Variants in MZF1 observed in about 807,000 individuals in gnomAD.
MZF1 encodes myeloid zinc finger 1.
MZF1 carries 24 observed loss-of-function variants against 28.6 expected under a neutral mutation model. The ratio of observed to expected loss-of-function variants is 0.84; its 90% CI spans 0.61 to 1.18. MZF1 has a LOEUF of 1.18. MZF1 is among the 50% of genes most tolerant of loss of function. MZF1 has a pLI of 0.00. For synonymous variants in MZF1, 516 were observed against 432.5 expected (o/e 1.19, Z -2.40); for missense variants, 1,166 against 1,026.4 (o/e 1.14, Z -1.86).
In MZF1 at chr19:58,569,281, G is replaced by A; in HGVS notation, c.768C>T (p.Ser256=). 6.2e-7 allele frequency: 1 copy of A among 1,601,134 alleles called. No individual in the cohort carries two copies. The highest frequency in any genetic ancestry group is 8.5e-7 in the Non-Finnish European group (1 of 1,174,250). The change falls in exon 5 of 6, where the codon TCC becomes TCT. Residue 256 remains serine, a synonymous_variant. Transcript: ENST00000215057. The part of the protein sequence containing the change: ...LWHEEAGGIF[S]PGFALQLGSI... ...ACCACACCCCATCTCACTTACCTGG[G>A]GAGAAGATGCCCCCAGCTTCCTCAT...
Position 58,571,423 on chromosome 19 carries a change from T to C in MZF1, c.-34A>G, listed in dbSNP as rs1441930313. The C allele has an allele frequency of 2.5e-6, 4 of 1,610,940 alleles. No homozygotes were observed. Among genetic ancestry groups the C allele is most frequent in the East Asian group, 4.5e-5 (2 of 44,852 alleles). The stretch of plus-strand genomic sequence containing the variant: ...CCAGGTCAGGTATCTGAGGCCAGTG[T>C]CTGCCCCTGGTGAAGAAATAGGATG... On this transcript the variant is annotated 5_prime_UTR_variant, in exon 2 of 6. Transcript: ENST00000215057.
chr19:58,569,754 A>C (rs2054122948), intron 3 of MZF1, 168 bp from the exon 4 acceptor site: 1 of 596,662 alleles, frequency 1.7e-6, no homozygotes, highest in Admixed American at 3.1e-5. Context: ...GGCTGGGTGA[A>C]GCAGAGTACC....
chr19:58,570,937 T>C, intron 2 of MZF1, 57 bp downstream of exon 2: 1 of 1,528,668 alleles, frequency 6.5e-7, no homozygotes, highest in Non-Finnish European at 8.8e-7. Context: ...CTGCCCAGGG[T>C]GAGGCCGAGC....
rs567598372 is a variant in MZF1 at position 58,567,160 on chromosome 19, C to T, written c.772+2117G>A. ...TGGACTCAAACAATCCACCTGCCTC[C>T]GCCTCCCAAAGTGCTGGGATTACAG... On this transcript the variant is annotated intron_variant, in intron 5 of 5. Coordinates refer to ENST00000215057, the MANE Select transcript of MZF1 (RefSeq NM_198055.2). 5.3e-5 allele frequency among the ~76,000 whole-genome samples: 8 copies of T among 152,270 alleles called. No individual in the cohort carries two copies. The East Asian group carries it at 9.7e-4, about 18-fold the overall frequency.
chr19:58,568,469 C>T lies in MZF1; in HGVS notation c.772+808G>A, dbSNP rs1187502589. On this transcript the variant is annotated intron_variant, in intron 5 of 5. Coordinates refer to ENST00000215057, the MANE Select transcript of MZF1 (RefSeq NM_198055.2). ...AAGGGAAGGAAATAAAAAAAAATTT[C>T]AAGGCAGTTTCCCAGAACTGAGAGA... The T allele has an allele frequency of 3.9e-5, 6 of 152,242 alleles. No homozygotes were observed. The East Asian group carries it at 9.6e-4, about 24-fold the overall frequency. 9.4% of individuals were successfully genotyped at this position (152,242 alleles called of 1,614,324 possible). A position where few individuals can be genotyped will look rare whatever the true frequency, so the allele number is the denominator to read the frequency against.
In MZF1 at chr19:58,570,154, T is replaced by C; in HGVS notation, c.580+190A>G. 8.6e-6 allele frequency: 5 copies of C among 581,364 alleles called. No individual in the cohort carries two copies. In the South Asian group the frequency reaches 1.1e-4, roughly 13 times the overall value. 36.0% of individuals were successfully genotyped at this position (581,364 alleles called of 1,614,324 possible). A position where few individuals can be genotyped will look rare whatever the true frequency, so the allele number is the denominator to read the frequency against. ...GGCTGTGGCAGTCAGGCTTGGTGTG[T>C]GAGGGGTAGTGACAGCACTGGCTGC... On this transcript the variant is annotated intron_variant, in intron 3 of 5. Coordinates refer to ENST00000215057, the MANE Select transcript of MZF1 (RefSeq NM_198055.2).
At chr19:58,570,183 G>T in intron 3 of MZF1, 161 bp downstream of exon 3, 1 of 719,716 alleles carries the variant, frequency 1.4e-6, no homozygotes, top group Non-Finnish European at 2.2e-6. Context: ...TGGCTGCGGT[G>T]GAGGGGAGAC....
In MZF1 at chr19:58,571,282, C is replaced by T. The variant is rs2054158634; in HGVS notation, c.108G>A (p.Trp36Ter). 6.2e-7 allele frequency: 1 copy of T among 1,613,704 alleles called. No homozygotes were observed. Among genetic ancestry groups the T allele is most frequent in the African/African-American group, 1.3e-5 (1 of 74,932 alleles). Reference sequence around the variant, plus strand: ...GGCGTGCAGCTTCAGGGCCTGGGTCCCATAAGGCAGCCTCACCCTCCTCCT... The same window carrying T: ...GGCGTGCAGCTTCAGGGCCTGGGTCTCATAAGGCAGCCTCACCCTCCTCCT... ...DSEEEGEAALWDPGPEAARLR... is the reference protein window; with the variant it reads ...DSEEEGEAAL Residue 36 changes from tryptophan to a stop codon, truncating the protein, a stop_gained, in exon 2 of 6, where the codon TGG becomes TGA. Coordinates refer to ENST00000215057, the MANE Select transcript of MZF1 (RefSeq NM_198055.2). LOFTEE classifies it high-confidence loss of function.
rs370449872 is a variant in MZF1, at chr19:58,562,880, G to C, written c.1397C>G (p.Pro466Arg). ...LQHQRIHGDP[P>R]GPGAKPPAPP... ...GGCCGGGGGCTTAGCGCCAGGGCCC[G>C]GGGGATCGCCGTGGATGCGCTGGTG... The change falls in exon 6 of 6, where the codon CCG becomes CGG. Residue 466 changes from proline to arginine, a missense_variant. Physicochemically the swap from Pro to Arg is moderately radical, Grantham distance 103 (BLOSUM62 -2). Transcript: ENST00000215057. 2.1e-4 allele frequency: 323 copies of C among 1,556,376 alleles called. 7 individuals carry two copies. The Middle Eastern group carries it at 6.4e-3, about 31-fold the overall frequency.
In MZF1 at chr19:58,569,352, C is replaced by T; in HGVS notation, c.697G>A (p.Gly233Arg). Residue 233 changes from glycine (G) to arginine (R), a missense_variant, in exon 5 of 6, where the codon GGG becomes AGG. Physicochemically the swap from Gly to Arg is moderately radical, Grantham distance 125 (BLOSUM62 -2). Coordinates refer to ENST00000215057, the MANE Select transcript of MZF1 (RefSeq NM_198055.2). ...LDQIFPHSKT[G>R]PEGPSWREHP... ...TCCCTCCATGAGGGACCCTCAGGCC[C>T]AGTCTTGCTGTGGGGAAAGATCTGG... 1 of 1,614,006 alleles carries T rather than the reference C, an allele frequency of 6.2e-7. No homozygotes were observed. Among genetic ancestry groups the T allele is most frequent in the Non-Finnish European group, 8.5e-7 (1 of 1,179,948 alleles).
chr19:58,563,748 G>A (rs1058144), intron 5 of MZF1: 44,325 of 433,906 alleles, frequency 0.1, 5,885 homozygotes, highest in African/African-American at 0.44. Context: ...GTCTGATTTA[G>A]GTTGGAAAAA....
chr19:58,562,937 T>A lies in MZF1; in HGVS notation c.1340A>T (p.Gln447Leu). 1 of 1,597,596 alleles carries A rather than the reference T, an allele frequency of 6.3e-7. No individual in the cohort carries two copies. The highest frequency in any genetic ancestry group is 8.5e-7 in the Non-Finnish European group (1 of 1,177,094). ...EQPFRCAECG[Q>L]SFRQRSNLLQ... Reference sequence around the variant, plus strand: ...CAGATTGGAGCGCTGCCGGAAGCTCTGGCCGCACTCAGCGCAACGGAAAGG... The same window carrying A: ...CAGATTGGAGCGCTGCCGGAAGCTCAGGCCGCACTCAGCGCAACGGAAAGG... The change falls in exon 6 of 6, where the codon CAG becomes CTG. Residue 447 changes from glutamine to leucine, a missense_variant. Physicochemically the swap from Gln to Leu is moderately radical, Grantham distance 113. Coordinates refer to ENST00000215057, the MANE Select transcript of MZF1 (RefSeq NM_198055.2).
chr19:58,564,908 T>TG (rs2054014247), intron 5 of MZF1, among the ~76,000 whole-genome samples: 1 of 77,162 alleles, frequency 1.3e-5, no homozygotes, highest in African/African-American at 6.7e-5. Context: ...GTGTGTTTTT[T>TG]TTTTTTTTTT....
At position 58,562,825 on chromosome 19, in the gene MZF1, G is replaced by A. The variant is rs1272795249; in HGVS notation, c.1452C>T (p.Pro484=). Residue 484 remains proline, a synonymous_variant, in exon 6 of 6, where the codon CCC becomes CCT. Transcript: ENST00000215057. ...TCTCGCGGCACTCGCTGCACGGAAA[G>A]GGGCCGGGAGGCTCGGGCGCACCAG... ...APPGAPEPPG[P]FPCSECRESF... 4.6e-6 allele frequency: 7 copies of A among 1,535,208 alleles called. No homozygotes were observed. The highest frequency in any genetic ancestry group is 1.4e-5 in the African/African-American group (1 of 73,006).
chr19:58,562,306 C>T lies in MZF1; in HGVS notation c.1971G>A (p.Glu657=). Residue 657 remains glutamate (E), a synonymous_variant, in exon 6 of 6, where the codon GAG becomes GAA. Coordinates refer to ENST00000215057, the MANE Select transcript of MZF1 (RefSeq NM_198055.2). ...CGTGCTGCCGAAAGCTCTGGCCGCA[C>T]TCGGGGCAGGCGAAGGGCCGTTCGC... ...HTGERPFACP[E]CGQSFRQHAN... is the part of the protein sequence containing the mutation. 6.8e-6 allele frequency: 11 copies of T among 1,609,952 alleles called. No homozygotes were observed. Among genetic ancestry groups the T allele is most frequent in the South Asian group, 2.2e-5 (2 of 90,866 alleles).
Position 58,562,363 on chromosome 19 carries a change from C to A in MZF1, c.1914G>T (p.Ser638=). Residue 638 remains serine, a synonymous_variant, in exon 6 of 6, where the codon TCG becomes TCT. Coordinates refer to ENST00000215057, the MANE Select transcript of MZF1 (RefSeq NM_198055.2). ...GGATGCGCTGGTGCTCGGTGAGCCG[C>A]GAGACCTGCGTGAAGCCCAGGCCGC... ...GECGLGFTQV[S]RLTEHQRIHT... The A allele has an allele frequency of 2.5e-6, 4 of 1,603,394 alleles. No individual in the cohort carries two copies. The South Asian group carries it at 4.4e-5, about 18-fold the overall frequency.
chr19:58,566,907 T>C (rs539988589), intron 5 of MZF1, among the ~76,000 whole-genome samples: 1 of 148,506 alleles, frequency 6.7e-6, no homozygotes, highest in South Asian at 2.1e-4. Flanking sequence ...CCAAGACTCT[T>C]TTTTTTTTTT....
Position 58,562,497 on chromosome 19 carries a change from C to T in MZF1, c.1780G>A (p.Glu594Lys), listed in dbSNP as rs1462063492. ...CACTCGGGGCAGGCAAAGGGTTTCT[C>T]GCCCGTGTGTACGCGGAGATGCTGC... ...LTQHLRVHTG[E>K]KPFACPECGQ... The change falls in exon 6 of 6, where the codon GAG (glutamate) becomes AAG (lysine). Residue 594 changes from glutamate to lysine, a missense_variant. By Grantham distance (56) the Glu-to-Lys change is moderately conservative. Transcript: ENST00000215057. 2.0e-5 allele frequency: 32 copies of T among 1,610,662 alleles called. No individual in the cohort carries two copies. Among genetic ancestry groups the T allele is most frequent in the African/African-American group, 2.7e-5 (2 of 74,700 alleles).
At chr19:58,564,379 C>A (rs1370887328) in intron 5 of MZF1, 1 of 152,190 alleles carries the variant, frequency 6.6e-6, no homozygotes, top group Non-Finnish European at 1.5e-5. Flanking sequence ...AAACTCTCCA[C>A]AGGCAAAAGG....
Sources: allele counts gnomAD v4.1 joint callset (sites outside exome capture counted in the v4.1 genomes callset), GRCh38; gene constraint gnomAD v4.1.1; transcripts MANE v1.5; gene names NCBI Gene and HGNC (gene_info 2026-07-23, HGNC 2026-07-21).